The following CACNA1E variants were observed in gnomAD, a reference collection of about 807,000 sequenced individuals.
The protein encoded by CACNA1E is voltage-dependent R-type calcium channel subunit alpha-1E.
A neutral mutation model predicts 259.2 loss-of-function variants in CACNA1E; 40 were observed. The observed-to-expected ratio is 0.15, with a 90% CI of 0.12 to 0.20. CACNA1E has a LOEUF of 0.20. Among genes scored for constraint, CACNA1E ranks in the 10% least tolerant of loss-of-function variants. The probability of loss-of-function intolerance (pLI) is 1.00; values close to 1 mark genes in which losing one functional copy is unlikely to be tolerated. For synonymous variants in CACNA1E, 1,104 were observed against 1,138.5 expected (o/e 0.97, Z 0.61); for missense variants, 1,874 against 3,040.1 (o/e 0.62, Z 9.02).
chr1:181,726,386 A>G (rs566688319), intron 18 of CACNA1E, among the ~76,000 whole-genome samples: 2 of 152,372 alleles, frequency 1.3e-5, no homozygotes, highest in African/African-American at 4.8e-5. Flanking sequence ...CAGGTGCTAT[A>G]AGTAAATGAA....
intron 3 of CACNA1E, among the ~76,000 whole-genome samples, chr1:181,572,755 A>G (rs78948525): frequency 0.028 from 4,305 of 152,196 alleles, 86 homozygotes; most frequent in Middle Eastern, 0.061. Flanking sequence ...GTGTCTCTCC[A>G]TGTGTGTATA....
intron 7 of CACNA1E, among the ~76,000 whole-genome samples, chr1:181,710,357 G>C (rs1653225472): frequency 6.6e-6 from 1 of 152,186 alleles, no homozygotes. Context: ...TTGAGCACTA[G>C]AGTACAGGAC....
At chr1:181,636,930 CTG>C (rs1485201059) in intron 6 of CACNA1E, among the ~76,000 whole-genome samples, 4 of 152,222 alleles carry the variant, frequency 2.6e-5, no homozygotes, top group Non-Finnish European at 5.9e-5. Context: ...AGCAAAGAGG[CTG>C]TGTTTTCTGA....
chr1:181,400,621 C>T (rs1657030076), intron 1 of CACNA1E, among the ~76,000 whole-genome samples: 1 of 152,094 alleles, frequency 6.6e-6, no homozygotes, highest in Non-Finnish European at 1.5e-5. Context: ...TCCCCGTGCC[C>T]CTCTTTGGCT....
chr1:181,363,298 G>A (rs774009795), intron 1 of CACNA1E, among the ~76,000 whole-genome samples: 4 of 152,166 alleles, frequency 2.6e-5, no homozygotes, highest in Non-Finnish European at 4.4e-5. Context: ...GCCAAAATGC[G>A]CGTGTGGGAT....
intron 6 of CACNA1E, among the ~76,000 whole-genome samples, chr1:181,640,663 C>T (rs1229051512): frequency 6.6e-6 from 1 of 152,230 alleles, no homozygotes; most frequent in African/African-American, 2.4e-5. Flanking sequence ...TCTTGAGCGT[C>T]TGCCCTTGTA....
In CACNA1E at chr1:181,549,399, C is replaced by T. The variant is rs530547184; in HGVS notation, c.513-28367C>T. 3.9e-5 allele frequency among the ~76,000 whole-genome samples: 6 copies of T among 152,242 alleles called. No homozygotes were observed. The South Asian group carries it at 6.2e-4, about 16-fold the overall frequency. ...AAGGGCTGAAGAGAGAGGGATCAGT[C>T]GTATTTGCTTCTGTTTCTGAATAGT... On this transcript the variant is annotated intron_variant, in intron 3 of 47. Coordinates refer to ENST00000367573, the MANE Select transcript of CACNA1E (RefSeq NM_001205293.3).
chr1:181,667,326 G>A (rs1025714081), intron 7 of CACNA1E, among the ~76,000 whole-genome samples: 1 of 152,174 alleles, frequency 6.6e-6, no homozygotes, highest in Non-Finnish European at 1.5e-5. Context: ...GCTGTAAGCA[G>A]TAGGGAAGAT....
At chr1:181,751,090 G>C (rs1441790043) in intron 26 of CACNA1E, among the ~76,000 whole-genome samples, 1 of 152,136 alleles carries the variant, frequency 6.6e-6, no homozygotes, top group Non-Finnish European at 1.5e-5. Flanking sequence ...GTTGGTGTAA[G>C]AGTAATCTGG....
intron 1 of CACNA1E, among the ~76,000 whole-genome samples, chr1:181,340,882 A>G (rs2102631536): frequency 6.6e-6 from 1 of 152,284 alleles, no homozygotes; most frequent in African/African-American, 2.4e-5. Context: ...ATATCATCTT[A>G]CATTTGTCTA....
intron 1 of CACNA1E, among the ~76,000 whole-genome samples, chr1:181,379,397 A>G (rs1655313130): frequency 6.6e-6 from 1 of 152,244 alleles, no homozygotes; most frequent in South Asian, 2.1e-4. Flanking sequence ...GAAGAAAACT[A>G]TACCAAGGCA....
At chr1:181,755,153 T>G (rs1657977987) in intron 27 of CACNA1E, 84 bp from the exon 28 acceptor site, 4 of 1,069,832 alleles carry the variant, frequency 3.7e-6, no homozygotes, top group Non-Finnish European at 5.4e-6. Context: ...GGCTGGGTAG[T>G]GGTGGTATGG....
At chr1:181,676,327 T>A (rs1440539511) in intron 7 of CACNA1E, among the ~76,000 whole-genome samples, 1 of 152,186 alleles carries the variant, frequency 6.6e-6, no homozygotes, top group Non-Finnish European at 1.5e-5. Flanking sequence ...CTGGTTCAAG[T>A]CGTGTTCATG....
At chr1:181,511,621 G>A (rs1362632828) in intron 3 of CACNA1E, 111 bp downstream of exon 3, 2 of 1,266,784 alleles carry the variant, frequency 1.6e-6, no homozygotes, top group East Asian at 2.3e-5. Flanking sequence ...GTAGAGTAGG[G>A]GCAGAAGAAA....
At position 181,758,912 on chromosome 1, in the gene CACNA1E, G is replaced by A; in HGVS notation, c.4605+44G>A. ...CCCAGCACTGGGCTTGTCTCTTTCT[G>A]TTGGGTGCCTTCCCAGTCTTTGTTG... On this transcript the variant is annotated intron_variant, in intron 32 of 47. Transcript: ENST00000367573. This position sits in a 1 kb window ranked among gnomAD's most constrained non-coding sequence, Gnocchi z 4.2. 9.3e-7 allele frequency: 1 copy of A among 1,079,950 alleles called. No individual in the cohort carries two copies. Among genetic ancestry groups the A allele is most frequent in the South Asian group, 1.3e-5 (1 of 75,408 alleles). 66.9% of individuals were successfully genotyped at this position (1,079,950 alleles called of 1,614,324 possible). A position where few individuals can be genotyped will look rare whatever the true frequency, so the allele number is the denominator to read the frequency against.
At chr1:181,338,369 G>C (rs1440767027) in intron 1 of CACNA1E, among the ~76,000 whole-genome samples, 1 of 152,192 alleles carries the variant, frequency 6.6e-6, no homozygotes, top group Non-Finnish European at 1.5e-5. Context: ...ACAGGAGTGA[G>C]CCACAGCACC....
chr1:181,421,657 T>G (rs752967211), intron 2 of CACNA1E, among the ~76,000 whole-genome samples: 1 of 152,210 alleles, frequency 6.6e-6, no homozygotes, highest in Non-Finnish European at 1.5e-5. Flanking sequence ...TTTCTCCAGT[T>G]GTCCGAGCCA....
At chr1:181,675,843 G>A (rs926582376) in intron 7 of CACNA1E, among the ~76,000 whole-genome samples, 5 of 152,284 alleles carry the variant, frequency 3.3e-5, no homozygotes, top group African/African-American at 9.6e-5. Flanking sequence ...TGGACAATGC[G>A]CAGCTAAGGG....
intron 7 of CACNA1E, among the ~76,000 whole-genome samples, chr1:181,700,355 A>G (rs143076863): frequency 6.6e-6 from 1 of 151,402 alleles, no homozygotes; most frequent in African/African-American, 2.4e-5. Flanking sequence ...TGCCCCCTCC[A>G]CTCCATTCTC....
Sources: gnomAD v4.1 joint callset for allele counts (sites outside exome capture counted in the v4.1 genomes callset) on GRCh38, gnomAD v4.1.1 for gene constraint, Gnocchi (gnomAD v3.1) non-coding constraint, MANE v1.5 for transcripts, NCBI Gene and HGNC (gene_info 2026-07-23, HGNC 2026-07-21) for gene names.